The following MYO9B variants were observed in gnomAD, a reference collection of about 807,000 sequenced individuals.
MYO9B encodes unconventional myosin-IXb.
In MYO9B, 71 loss-of-function variants were observed where a neutral mutation model predicts 229.5. The ratio of observed to expected loss-of-function variants is 0.31; its 90% CI spans 0.26 to 0.38. The LOEUF is 0.38. Ranked by LOEUF, MYO9B falls within the 10% of genes least tolerant of loss-of-function variation. MYO9B has a pLI of 1.00. For missense variants in MYO9B, 2,255 were observed against 2,920.5 expected, an observed-to-expected ratio of 0.77 and a Z score of 5.25; for synonymous variants, 1,185 against 1,235.8, an observed-to-expected ratio of 0.96 and a Z score of 0.86.
chr19:17,204,763 G>A (rs1568301836), intron 30 of MYO9B, among the ~76,000 whole-genome samples: 1 of 152,054 alleles, frequency 6.6e-6, no homozygotes, highest in African/African-American at 2.4e-5. Flanking sequence ...GGGCCTGGGA[G>A]GTCAAGGCTC....
In MYO9B at chr19:17,092,755, T is replaced by C. The variant is rs2057650546; in HGVS notation, c.-58-8905T>C. 2.7e-5 allele frequency among the ~76,000 whole-genome samples: 4 copies of C among 148,384 alleles called. No homozygotes were observed. In the South Asian group the frequency reaches 8.5e-4, roughly 32 times the overall value. On this transcript the variant is annotated intron_variant, in intron 1 of 39. Coordinates refer to ENST00000682292, the MANE Select transcript of MYO9B (RefSeq NM_004145.4). ...AAAAAAAAAAAAAAGCGCTTGCACA[T>C]ATGTTTTTTCATACCTGTGTCCTTG...
At position 17,194,646 on chromosome 19, in the gene MYO9B, A is replaced by G. The variant is rs2145457600; in HGVS notation, c.3219A>G (p.Gly1073=). 6.2e-7 allele frequency: 1 copy of G among 1,612,736 alleles called. No individual in the cohort carries two copies. Among genetic ancestry groups the G allele is most frequent in the Non-Finnish European group, 8.5e-7 (1 of 1,179,784 alleles). ...EAARAGAEEG[G]QGQAAGGQQV... Reference sequence around the variant, plus strand: ...CAAGAGCAGGTGCTGAGGAGGGCGGACAGGGTCAGGCGGCTGGAGGGCAGC... The same window carrying G: ...CAAGAGCAGGTGCTGAGGAGGGCGGGCAGGGTCAGGCGGCTGGAGGGCAGC... The change falls in exon 22 of 40, where the codon GGA becomes GGG. Residue 1073 remains glycine (G), a synonymous_variant. Coordinates refer to ENST00000682292, the MANE Select transcript of MYO9B (RefSeq NM_004145.4).
intron 2 of MYO9B, among the ~76,000 whole-genome samples, chr19:17,112,288 G>A (rs552431603): frequency 5.3e-4 from 81 of 152,174 alleles, no homozygotes; most frequent in Non-Finnish European, 9.9e-4. Context: ...CACCAGGTGG[G>A]ACCAGGAGCC....
At chr19:17,098,426 T>G (rs1315519611) in intron 1 of MYO9B, among the ~76,000 whole-genome samples, 1 of 152,182 alleles carries the variant, frequency 6.6e-6, no homozygotes, top group Non-Finnish European at 1.5e-5. Flanking sequence ...ACTCCTGCTG[T>G]GTGTCTTTTA....
chr19:17,099,894 G>A (rs2057728416), intron 1 of MYO9B, among the ~76,000 whole-genome samples: 2 of 150,846 alleles, frequency 1.3e-5, no homozygotes, highest in African/African-American at 2.4e-5. Context: ...GAGGAGGATG[G>A]ATCACCTGAG....
chr19:17,078,404 G>A (rs1029928730), intron 1 of MYO9B, among the ~76,000 whole-genome samples: 4 of 152,144 alleles, frequency 2.6e-5, no homozygotes, highest in East Asian at 1.9e-4. Flanking sequence ...GCCCGGCGTG[G>A]TGATGTGCGC....
chr19:17,107,071 A>C (rs1457840875), intron 2 of MYO9B, among the ~76,000 whole-genome samples: 1 of 152,058 alleles, frequency 6.6e-6, no homozygotes, highest in East Asian at 1.9e-4. Flanking sequence ...TCAAAATTAA[A>C]AATAAAAATA....
intron 1 of MYO9B, among the ~76,000 whole-genome samples, chr19:17,086,178 G>A (rs1214067459): frequency 3.3e-5 from 5 of 152,132 alleles, no homozygotes; most frequent in Admixed American, 1.3e-4. Context: ...CTCCCCTGTC[G>A]GACTTGCATG....
In MYO9B at chr19:17,205,999, G is replaced by A. The variant is rs377570173; in HGVS notation, c.5104G>A (p.Val1702Ile). Residue 1702 changes from valine (V) to isoleucine (I), a missense_variant, in exon 32 of 40, where the codon GTA becomes ATA. By Grantham distance (29) the Val-to-Ile change is conservative. Coordinates refer to ENST00000682292, the MANE Select transcript of MYO9B (RefSeq NM_004145.4). ...GVEPGHFGVC[V>I]DSLTSDKASV... ...TGAGCCTGGCCACTTCGGCGTGTGCGTAGACAGCCTGACCAGCGACAAGGC... is the reference window on the plus strand; with the variant it reads ...TGAGCCTGGCCACTTCGGCGTGTGCATAGACAGCCTGACCAGCGACAAGGC... 68 of 1,599,480 alleles carry A rather than the reference G, an allele frequency of 4.3e-5. No homozygotes were observed. In the African/African-American group the frequency reaches 5.6e-4, roughly 13 times the overall value.
At position 17,102,564 on chromosome 19, in the gene MYO9B, G is replaced by T; in HGVS notation, c.840+7G>T. 1 of 1,570,338 alleles carries T rather than the reference G, an allele frequency of 6.4e-7. No homozygotes were observed. ...TGCTGGCCCTGTGCTGGAGGTGAGC[G>T]GGGAAGCTGGTCGGTCTGTGGGAGG... is the stretch of plus-strand genomic sequence containing the variant. On this transcript the variant is annotated splice_region_variant and intron_variant, in intron 2 of 39. Coordinates refer to ENST00000682292, the MANE Select transcript of MYO9B (RefSeq NM_004145.4).
intron 1 of MYO9B, among the ~76,000 whole-genome samples, chr19:17,088,271 T>C (rs2057602690): frequency 6.6e-6 from 1 of 152,214 alleles, no homozygotes; most frequent in Non-Finnish European, 1.5e-5. Flanking sequence ...ACATGTCTCT[T>C]TTCCTTTTAT....
intron 10 of MYO9B, among the ~76,000 whole-genome samples, chr19:17,164,930 C>T (rs1425453438): frequency 1.3e-5 from 2 of 152,194 alleles, no homozygotes; most frequent in East Asian, 1.9e-4. Flanking sequence ...TACACGGTCT[C>T]AGTACCTTAC....
intron 2 of MYO9B, among the ~76,000 whole-genome samples, chr19:17,135,927 A>C (rs11086054): frequency 2.6e-5 from 4 of 151,840 alleles, no homozygotes; most frequent in African/African-American, 9.7e-5. Context: ...GCCACAGACC[A>C]GGCTTTACAC....
chr19:17,167,378 C>T (rs1568282034), intron 10 of MYO9B, among the ~76,000 whole-genome samples: 1 of 151,846 alleles, frequency 6.6e-6, no homozygotes, highest in African/African-American at 2.4e-5. Context: ...AGCGATCCTA[C>T]CACCTTGGCC....
chr19:17,153,324 C>T (rs909320849), intron 4 of MYO9B, among the ~76,000 whole-genome samples: 2 of 151,244 alleles, frequency 1.3e-5, no homozygotes, highest in Admixed American at 6.6e-5. Flanking sequence ...GCCTCAGCCT[C>T]CCGAGTAGCT....
chr19:17,102,115 G>T lies in MYO9B; in HGVS notation c.398G>T (p.Arg133Leu). The T allele has an allele frequency of 6.2e-7, 1 of 1,613,336 alleles. No individual in the cohort carries two copies. Among genetic ancestry groups the T allele is most frequent in the Non-Finnish European group, 8.5e-7 (1 of 1,179,884 alleles). ...MQLVAQATAT[R>L]RLVERGLLPR... ...CTGGTGGCGCAGGCCACAGCCACCC[G>T]GCGCCTAGTGGAGCGTGGCCTCCTG... Residue 133 changes from arginine to leucine, a missense_variant, in exon 2 of 40, where the codon CGG (arginine) becomes CTG (leucine). Around this residue, in one of 7 missense-constraint regions of MYO9B, gnomAD observed 386 missense variants for 515.2 expected, o/e 0.75. Coordinates refer to ENST00000682292, the MANE Select transcript of MYO9B (RefSeq NM_004145.4).
intron 1 of MYO9B, among the ~76,000 whole-genome samples, chr19:17,093,684 TGCGGGGG>T (rs971753228): frequency 6.9e-5 from 2 of 29,166 alleles, no homozygotes; most frequent in Non-Finnish European, 1.2e-4. Flanking sequence ...GCAGTTTTTT[TGCGGGGG>T]GTGGGGGGGG....
chr19:17,192,205 A>C (rs913244323), intron 20 of MYO9B, among the ~76,000 whole-genome samples: 1 of 150,424 alleles, frequency 6.6e-6, no homozygotes, highest in African/African-American at 2.4e-5. Context: ...AGGCAGAAGA[A>C]TCGCTTGAAA....
chr19:17,169,972 G>C (rs1485519818), intron 11 of MYO9B, among the ~76,000 whole-genome samples: 1 of 151,846 alleles, frequency 6.6e-6, no homozygotes, highest in Non-Finnish European at 1.5e-5. Flanking sequence ...CTCCCGAGTA[G>C]CTGGGATCAC....
Sources: gnomAD v4.1 joint callset for allele counts (sites outside exome capture counted in the v4.1 genomes callset) on GRCh38, gnomAD v4.1.1 for gene constraint, gnomAD v4.1.1 regional missense constraint, MANE v1.5 for transcripts, NCBI Gene and HGNC (gene_info 2026-07-23, HGNC 2026-07-21) for gene names.